The following C1GALT1 variants were observed in gnomAD, a reference collection of about 807,000 sequenced individuals.
C1GALT1 encodes glycoprotein-N-acetylgalactosamine 3-beta-galactosyltransferase 1.
C1GALT1 carries 11 observed loss-of-function variants against 31.0 expected under a neutral mutation model. The observed-to-expected ratio is 0.36, with a 90% confidence interval of 0.22 to 0.59. The LOEUF is 0.59. C1GALT1 is among the 20% of genes least tolerant of loss of function. C1GALT1 has a pLI of 0.79. For missense variants in C1GALT1, 424 were observed against 425.2 expected (o/e 1.00, Z 0.03); for synonymous variants, 175 against 143.6 (o/e 1.22, Z -1.56).
chr7:7,168,626 A>T (rs967389467), intron 2 of C1GALT1, among the ~76,000 whole-genome samples: 4 of 152,212 alleles, frequency 2.6e-5, no homozygotes, highest in African/African-American at 9.6e-5. Flanking sequence ...TTCATCAACT[A>T]GGTGTATGAT....
chr7:7,192,401 C>T (rs1583753670), intron 1 of C1GALT1, among the ~76,000 whole-genome samples: 1 of 152,226 alleles, frequency 6.6e-6, no homozygotes, highest in East Asian at 1.9e-4. Context: ...GTTTGGTTTT[C>T]CATTCCTGAG....
At chr7:7,172,143 G>A (rs528092589) in intron 2 of C1GALT1, among the ~76,000 whole-genome samples, 11 of 152,226 alleles carry the variant, frequency 7.2e-5, no homozygotes, top group Admixed American at 2.0e-4. Context: ...GGAAGGAAAC[G>A]TTGAACTCAA....
chr7:7,163,045 T>A lies in C1GALT1; in HGVS notation c.-18+5619T>A, dbSNP rs200147824. Among the ~76,000 whole-genome samples the A allele has an allele frequency of 5.9e-5, 9 of 152,138 alleles. No homozygotes were observed. In the East Asian group the frequency reaches 1.7e-3, roughly 29 times the overall value. On this transcript the variant is annotated intron_variant, in intron 2 of 3. Transcript: ENST00000429911. ...TTGTCAGATGAGTAGGTTGTGAAAA[T>A]TTTCTCCCATTCTGTAGGTTGCCTG...
chr7:7,172,049 G>T (rs1780459207), intron 2 of C1GALT1, among the ~76,000 whole-genome samples: 1 of 152,018 alleles, frequency 6.6e-6, no homozygotes, highest in South Asian at 2.1e-4. Flanking sequence ...TTTACTGTAG[G>T]CCTTTATTTT....
At chr7:7,239,191 C>T (rs533915361) in intron 3 of C1GALT1, among the ~76,000 whole-genome samples, 1 of 152,266 alleles carries the variant, frequency 6.6e-6, no homozygotes, top group East Asian at 1.9e-4. Context: ...TTCTCGTGAA[C>T]CTTACATTCT....
chr7:7,215,109 C>T (rs1028171043), intron 1 of C1GALT1, among the ~76,000 whole-genome samples: 2 of 152,162 alleles, frequency 1.3e-5, no homozygotes, highest in East Asian at 1.9e-4. Flanking sequence ...AGTATTGCCA[C>T]GCGGTTACAG....
upstream of C1GALT1, among the ~76,000 whole-genome samples, chr7:7,181,178 A>G (rs375591454): frequency 1.0e-3 from 159 of 152,330 alleles, no homozygotes; most frequent in African/African-American, 3.6e-3. Flanking sequence ...ATGTTTCACA[A>G]TGGATGGCAA....
chr7:7,214,670 A>T lies in C1GALT1; in HGVS notation c.-17-19633A>T, dbSNP rs75449217. On this transcript the variant is annotated intron_variant, in intron 1 of 3. Transcript: ENST00000436587. ...GAGTATTTTCAAAATTGAGACTGAG[A>T]CAGTGAAAGAGATCCAACCCAAGCA... Among the ~76,000 whole-genome samples the T allele has an allele frequency of 2.0e-3, 307 of 152,318 alleles. 2 individuals are homozygous for T. Among genetic ancestry groups the T allele is most frequent in the African/African-American group, 7.0e-3 (293 of 41,572 alleles).
rs147321761 is a variant in C1GALT1 at position 7,161,623 on chromosome 7, T to C, written c.-18+4197T>C. On this transcript the variant is annotated intron_variant, in intron 2 of 3. Coordinates refer to the C1GALT1 transcript ENST00000429911. ...CAACCACTAGAAAAGACAGGCATCA[T>C]CATCTTCCTTTTACAAAGTTGAGGA... 5.0e-4 allele frequency among the ~76,000 whole-genome samples: 76 copies of C among 152,182 alleles called. 1 individual carries two copies. In the East Asian group the frequency reaches 0.014, roughly 27 times the overall value.
Position 7,238,274 on chromosome 7 carries a change from T to C in C1GALT1, c.240T>C (p.Ala80=), listed in dbSNP as rs61742008. ...TAATAGATGAGAACACAGACATTGC[T>C]GAAAACCTCTATCAGAAAGTTAGAA... ...SQHKDENTDI[A]ENLYQKVRIL... is the part of the protein sequence containing the mutation. The change falls in exon 3 of 4, where the codon GCT becomes GCC. Residue 80 remains alanine, a synonymous_variant. Transcript: ENST00000436587. The surrounding 1 kb of genome is among the most constrained non-coding windows in gnomAD (Gnocchi z 5.2). The C allele has an allele frequency of 9.0e-4, 1,439 of 1,603,820 alleles. 10 individuals carry two copies. The African/African-American group carries it at 0.017, about 19-fold the overall frequency.
At position 7,238,812 on chromosome 7, in the gene C1GALT1, A is replaced by G. The variant is rs772822926; in HGVS notation, c.778A>G (p.Thr260Ala). 21 of 1,613,740 alleles carry G rather than the reference A, an allele frequency of 1.3e-5. No individual in the cohort carries two copies. The highest frequency in any genetic ancestry group is 1.7e-4 in the Middle Eastern group (1 of 5,916). ...MNVEAGDSRD[T>A]IGKETFHPFV... Reference sequence around the variant, plus strand: ...TGTAGAAGCAGGAGATTCCAGAGATACCATTGGAAAAGAAACTTTTCATCC... The same window carrying G: ...TGTAGAAGCAGGAGATTCCAGAGATGCCATTGGAAAAGAAACTTTTCATCC... Residue 260 changes from threonine to alanine, a missense_variant, in exon 3 of 4, where the codon ACC (threonine) becomes GCC (alanine). Thr to Ala is a moderately conservative substitution (Grantham distance 58). Around this residue, in one of 3 missense-constraint regions of C1GALT1, gnomAD observed 191 missense variants for 188.8 expected, o/e 1.01. Coordinates refer to ENST00000436587, the MANE Select transcript of C1GALT1 (RefSeq NM_020156.5). The surrounding 1 kb of genome is among the most constrained non-coding windows in gnomAD (Gnocchi z 5.2).
intron 1 of C1GALT1, among the ~76,000 whole-genome samples, chr7:7,190,668 G>C (rs1210297102): frequency 6.6e-6 from 1 of 151,892 alleles, no homozygotes; most frequent in Non-Finnish European, 1.5e-5. Flanking sequence ...GAGTTTTCCA[G>C]TGATACTCAC....
chr7:7,191,204 C>CT (rs1781055623), intron 1 of C1GALT1, among the ~76,000 whole-genome samples: 1 of 152,130 alleles, frequency 6.6e-6, no homozygotes, highest in Non-Finnish European at 1.5e-5. Context: ...TTTTTCACTA[C>CT]TTTAAAGTAC....
intron 1 of C1GALT1, among the ~76,000 whole-genome samples, chr7:7,233,198 A>C (rs1783169926): frequency 6.6e-6 from 1 of 152,146 alleles, no homozygotes; most frequent in African/African-American, 2.4e-5. Context: ...TACCCTACTT[A>C]ATCTCGTTAA....
At chr7:7,181,687 C>T (rs558864631), upstream of C1GALT1, among the ~76,000 whole-genome samples, 1 of 152,242 alleles carries the variant, frequency 6.6e-6, no homozygotes, top group South Asian at 2.1e-4. Flanking sequence ...ATTTCAGAGC[C>T]CATACTCTTT....
At chr7:7,212,060 C>T (rs889881203) in intron 1 of C1GALT1, among the ~76,000 whole-genome samples, 1 of 152,198 alleles carries the variant, frequency 6.6e-6, no homozygotes, top group Non-Finnish European at 1.5e-5. Flanking sequence ...GTTATTTCTA[C>T]ATAGGTCTTT....
intron 1 of C1GALT1, among the ~76,000 whole-genome samples, chr7:7,229,018 T>A (rs1426836048): frequency 6.6e-6 from 1 of 151,648 alleles, no homozygotes; most frequent in African/African-American, 2.4e-5. Flanking sequence ...TTGATGGAGC[T>A]GGGTTAGCAC....
At chr7:7,191,118 A>G (rs1423568364) in intron 1 of C1GALT1, among the ~76,000 whole-genome samples, 1 of 152,110 alleles carries the variant, frequency 6.6e-6, no homozygotes, top group Non-Finnish European at 1.5e-5. Context: ...CTGAAGCTCT[A>G]TATCCGTTTA....
At chr7:7,201,753 C>T (rs1781540117) in intron 1 of C1GALT1, among the ~76,000 whole-genome samples, 3 of 152,218 alleles carry the variant, frequency 2.0e-5, no homozygotes, top group African/African-American at 7.2e-5. Context: ...TATGCCCTCC[C>T]CCTCCCCCGA....
Sources: allele counts gnomAD v4.1 joint callset (sites outside exome capture counted in the v4.1 genomes callset), GRCh38; gene constraint gnomAD v4.1.1; regional missense constraint gnomAD v4.1.1; non-coding constraint Gnocchi (gnomAD v3.1); transcripts MANE v1.5; gene names NCBI Gene and HGNC (gene_info 2026-07-23, HGNC 2026-07-21).